The following ADGRE5 variants were observed in gnomAD, a reference collection of about 807,000 sequenced individuals.
ADGRE5 encodes CD97 molecule.
Under a neutral mutation model 100.3 loss-of-function variants are expected in ADGRE5, and 72 were observed. The ratio of observed to expected loss-of-function variants is 0.72; its 90% CI spans 0.59 to 0.87. The LOEUF is 0.87. Among genes scored for constraint, ADGRE5 ranks in the 40% least tolerant of loss-of-function variants. ADGRE5 has a pLI of 0.00. For synonymous variants in ADGRE5, 439 were observed against 447.8 expected, an observed-to-expected ratio of 0.98 and a Z score of 0.25; for missense variants, 959 against 1,094.7, an observed-to-expected ratio of 0.88 and a Z score of 1.75.
intron 4 of ADGRE5, 160 bp downstream of exon 4, chr19:14,391,239 G>A (rs1242620923): frequency 2.3e-6 from 2 of 888,556 alleles, no homozygotes; most frequent in Non-Finnish European, 3.4e-6. Flanking sequence ...ACCCCAGAGA[G>A]GCAGAGTGAT....
intron 13 of ADGRE5, chr19:14,404,833 A>G (rs1976157839): frequency 5.0e-6 from 2 of 403,744 alleles, no homozygotes; most frequent in Non-Finnish European, 8.8e-6. Context: ...AAAGCTCCCC[A>G]TGGAGAGCAT....
At chr19:14,400,487 G>A (rs1274389238) in intron 9 of ADGRE5, among the ~76,000 whole-genome samples, 3 of 145,986 alleles carry the variant, frequency 2.1e-5, no homozygotes, top group Non-Finnish European at 4.4e-5. Flanking sequence ...TAAAAATAAA[G>A]TTAAATTAAA....
chr19:14,402,088 G>A (rs561978429), intron 11 of ADGRE5, among the ~76,000 whole-genome samples: 3 of 151,588 alleles, frequency 2.0e-5, no homozygotes, highest in East Asian at 1.9e-4. Flanking sequence ...CTATGATCAC[G>A]CCAAAGCACT....
intron 9 of ADGRE5, among the ~76,000 whole-genome samples, chr19:14,400,242 G>A (rs957738830): frequency 2.0e-5 from 3 of 151,846 alleles, no homozygotes; most frequent in Non-Finnish European, 2.9e-5. Flanking sequence ...GGATGGTCTC[G>A]ATCTCCTGAC....
At chr19:14,400,932 T>C (rs1038078746) in intron 9 of ADGRE5, among the ~76,000 whole-genome samples, 2 of 151,402 alleles carry the variant, frequency 1.3e-5, no homozygotes, top group African/African-American at 4.9e-5. Context: ...GTGACAAGAG[T>C]GAAACTCCAT....
chr19:14,394,486 C>G (rs1975706480), intron 4 of ADGRE5, among the ~76,000 whole-genome samples: 1 of 152,112 alleles, frequency 6.6e-6, no homozygotes, highest in African/African-American at 2.4e-5. Flanking sequence ...TTGTCCCAAC[C>G]CTGAGACTCG....
At chr19:14,388,569 C>T (rs1050639431) in intron 2 of ADGRE5, 69 bp downstream of exon 2, 6 of 1,593,966 alleles carry the variant, frequency 3.8e-6, no homozygotes, top group Non-Finnish European at 4.3e-6. Context: ...GACCCCCGCC[C>T]AGCCCCCTTC....
intron 19 of ADGRE5, 24 bp downstream of exon 19, chr19:14,408,033 G>T (rs752526678): frequency 1.2e-6 from 2 of 1,614,090 alleles, no homozygotes; most frequent in Non-Finnish European, 1.7e-6. Flanking sequence ...CCTGGGGCGG[G>T]TGTGGGCAGG....
rs757944619 is a variant in ADGRE5 at position 14,396,493 on chromosome 19, GC to G, written c.478+22del. On this transcript the variant is annotated intron_variant, in intron 5 of 19. Transcript: ENST00000242786. ...GCACAGGTAGAGGCCCCAGGAAGAC[GC>G]CGTGAGGCTGGACGGGAGCTGGGGA... is the stretch of plus-strand genomic sequence containing the variant. 1 of 1,613,766 alleles carries G rather than the reference GC, an allele frequency of 6.2e-7. No individual in the cohort carries two copies. The highest frequency in any genetic ancestry group is 8.5e-7 in the Non-Finnish European group (1 of 1,179,836).
intron 9 of ADGRE5, among the ~76,000 whole-genome samples, chr19:14,400,432 G>T (rs1339504790): frequency 6.6e-6 from 1 of 152,042 alleles, no homozygotes; most frequent in African/African-American, 2.4e-5. Flanking sequence ...GGAAGTACAG[G>T]CGTGCACCAC....
rs772068369 is a variant in ADGRE5 at position 14,388,695 on chromosome 19, C to G, written c.74-7C>G. 4.3e-6 allele frequency: 7 copies of G among 1,613,400 alleles called. No homozygotes were observed. In the East Asian group the frequency reaches 1.6e-4, roughly 36 times the overall value. On this transcript the variant is annotated splice_region_variant and splice_polypyrimidine_tract_variant and intron_variant, in intron 2 of 19. Coordinates refer to ENST00000242786, the MANE Select transcript of ADGRE5 (RefSeq NM_078481.4). ...TCACCTTCTGACCGTGCTCCCTGCT[C>G]TTGCAGGCTGTGCCCGGTGGTGCCC...
Position 14,406,073 on chromosome 19 carries a change from G to A in ADGRE5, c.1821+134G>A. On this transcript the variant is annotated intron_variant, in intron 14 of 19. Transcript: ENST00000242786. This position sits in a 1 kb window ranked among gnomAD's most constrained non-coding sequence, Gnocchi z 6.0. Reference sequence around the variant, plus strand: ...GAGGCCCCGCCCCTGTCCGGGATCTGGCCCCGCCCACCGGGGGGTCGGGTT... The same window carrying A: ...GAGGCCCCGCCCCTGTCCGGGATCTAGCCCCGCCCACCGGGGGGTCGGGTT... 1.2e-6 allele frequency: 1 copy of A among 809,054 alleles called. No homozygotes were observed. Among genetic ancestry groups the A allele is most frequent in the Non-Finnish European group, 1.9e-6 (1 of 527,780 alleles). 50.1% of individuals were successfully genotyped at this position (809,054 alleles called of 1,614,324 possible).
chr19:14,394,488 T>G (rs1202443868), intron 4 of ADGRE5, among the ~76,000 whole-genome samples: 1 of 151,988 alleles, frequency 6.6e-6, no homozygotes, highest in Non-Finnish European at 1.5e-5. Context: ...GTCCCAACCC[T>G]GAGACTCGGG....
chr19:14,401,327 C>T lies in ADGRE5; in HGVS notation c.898-59C>T, dbSNP rs1188574225. 6.6e-7 allele frequency: 1 copy of T among 1,507,264 alleles called. No individual in the cohort carries two copies. The highest frequency in any genetic ancestry group is 1.2e-5 in the South Asian group (1 of 81,774). 93.4% of individuals were successfully genotyped at this position (1,507,264 alleles called of 1,614,324 possible). On this transcript the variant is annotated intron_variant, in intron 9 of 19. Coordinates refer to ENST00000242786, the MANE Select transcript of ADGRE5 (RefSeq NM_078481.4). The surrounding 1 kb of genome is among the most constrained non-coding windows in gnomAD (Gnocchi z 4.1). ...CCCTGGTAGGGGGTGACATCCAGGT[C>T]CTTCAGGCAACCCCTGTGGTCTGAT... is the stretch of plus-strand genomic sequence containing the variant.
At chr19:14,389,348 A>T in intron 3 of ADGRE5, among the ~76,000 whole-genome samples, 1 of 23,084 alleles carries the variant, frequency 4.3e-5, no homozygotes, top group Non-Finnish European at 7.5e-5. Context: ...AGGGGAGGGG[A>T]AGGGGAGGGG....
chr19:14,406,171 T>TG lies in ADGRE5; in HGVS notation c.1822-155dup, dbSNP rs567643397. The stretch of plus-strand genomic sequence containing the variant: ...GTGCCCGCTCGCTTCTGAGCGTTGT[T>TG]GGGGGTGGGCCCTGGGGGGAAACCT... On this transcript the variant is annotated intron_variant, in intron 14 of 19. Coordinates refer to ENST00000242786, the MANE Select transcript of ADGRE5 (RefSeq NM_078481.4). This position sits in a 1 kb window ranked among gnomAD's most constrained non-coding sequence, Gnocchi z 6.0. Among the ~76,000 whole-genome samples the TG allele has an allele frequency of 1.8e-4, 28 of 152,228 alleles. No homozygotes were observed. The highest frequency in any genetic ancestry group is 6.5e-4 in the African/African-American group (27 of 41,558).
intron 1 of ADGRE5, among the ~76,000 whole-genome samples, chr19:14,383,479 T>G (rs1034612645): frequency 6.6e-6 from 1 of 152,074 alleles, no homozygotes; most frequent in African/African-American, 2.4e-5. Context: ...CACTCCAGCC[T>G]GGGTGACAGT....
intron 18 of ADGRE5, 135 bp downstream of exon 18, chr19:14,407,364 A>C (rs1976304694): frequency 1.9e-6 from 2 of 1,033,030 alleles, no homozygotes; most frequent in Admixed American, 5.1e-5. Flanking sequence ...TTACAAAAAA[A>C]TTCAAAGATA....
At chr19:14,395,007 A>AT (rs1309438363) in intron 4 of ADGRE5, among the ~76,000 whole-genome samples, 1 of 152,130 alleles carries the variant, frequency 6.6e-6, no homozygotes, top group Non-Finnish European at 1.5e-5. Context: ...GACCCCACAA[A>AT]TGGATTCAGA....
Sources: allele counts gnomAD v4.1 joint callset (sites outside exome capture counted in the v4.1 genomes callset), GRCh38; gene constraint gnomAD v4.1.1; non-coding constraint Gnocchi (gnomAD v3.1); transcripts MANE v1.5; gene names NCBI Gene and HGNC (gene_info 2026-07-23, HGNC 2026-07-21).